Variants in PIK3R4 observed in about 807,000 individuals in gnomAD.
The protein encoded by PIK3R4 is phosphoinositide-3-kinase regulatory subunit 4, also known as phosphoinositide 3-kinase regulatory subunit 4.
PIK3R4 carries 46 observed loss-of-function variants against 136.5 expected under a neutral mutation model. The observed-to-expected ratio is 0.34, with a 90% CI of 0.27 to 0.43. The LOEUF (loss-of-function observed/expected upper bound fraction) is 0.43, where lower values mean the gene tolerates loss of function less well. PIK3R4 is among the 20% of genes least tolerant of loss of function. The pLI, the probability that PIK3R4 is intolerant of heterozygous loss-of-function variation, is 1.00. For missense variants in PIK3R4, 1,331 were observed against 1,649.5 expected, an observed-to-expected ratio of 0.81 and a Z score of 3.35; for synonymous variants, 557 against 566.7, an observed-to-expected ratio of 0.98 and a Z score of 0.24.
At chr3:130,703,973 C>CA (rs1229878805) in intron 12 of PIK3R4, 85 bp from the exon 13 acceptor site, 10 of 874,286 alleles carry the variant, frequency 1.1e-5, no homozygotes, top group Non-Finnish European at 1.8e-5. Flanking sequence ...AACCAACAAC[C>CA]AGCTTGAAAA....
Position 130,708,357 on chromosome 3 carries a change from C to G in PIK3R4, c.2467G>C (p.Ala823Pro). 1 of 1,613,828 alleles carries G rather than the reference C, an allele frequency of 6.2e-7. No individual in the cohort carries two copies. The highest frequency in any genetic ancestry group is 8.5e-7 in the Non-Finnish European group (1 of 1,179,772). The change falls in exon 10 of 20, where the codon GCT (alanine) becomes CCT (proline). Residue 823 changes from alanine to proline, a missense_variant. Physicochemically the swap from Ala to Pro is conservative, Grantham distance 27. This residue lies in a region of PIK3R4 where 1,180 missense variants were observed against 1,407.0 expected (regional missense o/e 0.84). Transcript: ENST00000356763. ...ACTTGTCTCCCAGTTATGCCTAAAG[C>G]TGCCAAGTCAATTACACCTTTCTGA... ...SSQKGVIDLA[A>P]LGITGRQVDL...
chr3:130,706,947 C>A lies in PIK3R4; in HGVS notation c.2721+1G>T. ...GGACTACTGACTGGGTGACACAGTA[C>A]CTGTGAAGAAGTTGACAAAGGGACA... On this transcript the variant is annotated splice_donor_variant, in intron 11 of 19. Transcript: ENST00000356763. LOFTEE classifies it high-confidence loss of function. 6.2e-7 allele frequency: 1 copy of A among 1,604,970 alleles called. No homozygotes were observed. The highest frequency in any genetic ancestry group is 8.5e-7 in the Non-Finnish European group (1 of 1,175,910).
chr3:130,746,261 C>A (rs757090231), intron 1 of PIK3R4, 57 bp downstream of exon 1: 2 of 152,190 alleles, frequency 1.3e-5, no homozygotes, highest in East Asian at 3.9e-4. Flanking sequence ...TCAGGTTTTG[C>A]AGGAAATAAA....
chr3:130,679,068 C>A lies in PIK3R4; in HGVS notation c.*247G>T. ...CATTTTCATATTTTACATTTCTCAC[C>A]TCTATAACATATACAATAAAAATCC... On this transcript the variant is annotated 3_prime_UTR_variant, in exon 20 of 20. Coordinates refer to ENST00000356763, the MANE Select transcript of PIK3R4 (RefSeq NM_014602.3). The A allele has an allele frequency of 3.9e-6, 1 of 254,352 alleles. No individual in the cohort carries two copies. Among genetic ancestry groups the A allele is most frequent in the Non-Finnish European group, 7.4e-6 (1 of 134,942 alleles). The allele number at this position is 254,352 out of a possible 1,614,324, so 15.8% of individuals were successfully genotyped here. A position where few individuals can be genotyped will look rare whatever the true frequency, so the allele number is the denominator to read the frequency against.
chr3:130,710,042 A>G (rs550548867), intron 9 of PIK3R4, among the ~76,000 whole-genome samples: 2 of 152,298 alleles, frequency 1.3e-5, no homozygotes, highest in African/African-American at 4.8e-5. Context: ...ATAAAAAACA[A>G]AAAATGTTAG....
At chr3:130,722,688 C>G (rs1021543099) in intron 7 of PIK3R4, among the ~76,000 whole-genome samples, 2 of 152,032 alleles carry the variant, frequency 1.3e-5, no homozygotes, top group African/African-American at 4.8e-5. Flanking sequence ...TTCAACTTGA[C>G]TGCTAGTCAA....
chr3:130,703,969 C>A lies in PIK3R4; in HGVS notation c.2933-81G>T, dbSNP rs748406685. ...CATCATCCCCTGTTATAATAACCAACAACCAGCTTGAAAACAATCATAAGA... is the reference window on the plus strand; with the variant it reads ...CATCATCCCCTGTTATAATAACCAAAAACCAGCTTGAAAACAATCATAAGA... On this transcript the variant is annotated intron_variant, in intron 12 of 19. Coordinates refer to ENST00000356763, the MANE Select transcript of PIK3R4 (RefSeq NM_014602.3). The A allele has an allele frequency of 8.9e-6, 8 of 896,134 alleles. No homozygotes were observed. The African/African-American group carries it at 1.2e-4, about 13-fold the overall frequency. 55.5% of individuals were successfully genotyped at this position (896,134 alleles called of 1,614,324 possible). A position where few individuals can be genotyped will look rare whatever the true frequency, so the allele number is the denominator to read the frequency against.
chr3:130,706,968 G>T lies in PIK3R4; in HGVS notation c.2701C>A (p.Pro901Thr). The change falls in exon 11 of 20, where the codon CCT becomes ACT. Residue 901 changes from proline (P) to threonine (T), a missense_variant. Physicochemically the swap from Pro to Thr is conservative, Grantham distance 38 (BLOSUM62 -1). This residue lies in a region of PIK3R4 where 1,180 missense variants were observed against 1,407.0 expected (regional missense o/e 0.84). Transcript: ENST00000356763. ...RSESSAGICV[P>T]LSTSSQVPEV... ...AGTACCTGTGAAGAAGTTGACAAAG[G>T]GACACAAATGCCAGCAGAGGACTCG... The T allele has an allele frequency of 6.2e-7, 1 of 1,609,956 alleles. No individual in the cohort carries two copies. The highest frequency in any genetic ancestry group is 8.5e-7 in the Non-Finnish European group (1 of 1,178,314).
At chr3:130,680,937 G>T (rs369876540) in intron 18 of PIK3R4, 40 bp downstream of exon 18, 5 of 1,026,876 alleles carry the variant, frequency 4.9e-6, no homozygotes, top group African/African-American at 4.8e-5. Context: ...ATAACAGCTT[G>T]TAAAAGTATC....
intron 16 of PIK3R4, among the ~76,000 whole-genome samples, chr3:130,682,328 A>C (rs2066464240): frequency 1.3e-5 from 2 of 152,188 alleles, no homozygotes; most frequent in African/African-American, 4.8e-5. Context: ...AAGATGAAAG[A>C]AGGAGCCAAG....
rs2066451589 is a variant in PIK3R4 at position 130,680,554 on chromosome 3, G to A, written c.3906+59C>T. 4.6e-6 allele frequency: 4 copies of A among 862,264 alleles called. No individual in the cohort carries two copies. In the East Asian group the frequency reaches 7.5e-5, roughly 16 times the overall value. The allele number at this position is 862,264 out of a possible 1,614,324, so 53.4% of individuals were successfully genotyped here. A position where few individuals can be genotyped will look rare whatever the true frequency, so the allele number is the denominator to read the frequency against. ...CAAGCCATTTATTTTAATCAATTCT[G>A]TTTACAAAAGCCATGTTTGTGCTTA... On this transcript the variant is annotated intron_variant, in intron 19 of 19. Coordinates refer to ENST00000356763, the MANE Select transcript of PIK3R4 (RefSeq NM_014602.3).
At chr3:130,696,078 G>A (rs2066544879) in intron 13 of PIK3R4, among the ~76,000 whole-genome samples, 2 of 152,076 alleles carry the variant, frequency 1.3e-5, no homozygotes, top group East Asian at 1.9e-4. Context: ...ATTGTTCATG[G>A]TATTCCTTTC....
At chr3:130,690,431 G>T in intron 14 of PIK3R4, 59 bp downstream of exon 14, 1 of 1,174,488 alleles carries the variant, frequency 8.5e-7, no homozygotes, top group Non-Finnish European at 1.2e-6. Flanking sequence ...GTAGAAAGGA[G>T]ACTTAAGGTA....
chr3:130,686,697 A>G (rs553874784), intron 14 of PIK3R4, among the ~76,000 whole-genome samples: 2 of 152,328 alleles, frequency 1.3e-5, no homozygotes, highest in South Asian at 2.1e-4. Flanking sequence ...TAACCTTGCT[A>G]TAATACTAGT....
intron 13 of PIK3R4, among the ~76,000 whole-genome samples, chr3:130,691,056 A>C (rs2066515591): frequency 1.3e-5 from 2 of 151,918 alleles, no homozygotes; most frequent in African/African-American, 4.8e-5. Context: ...GGCGTGCATC[A>C]CCATGCCTGG....
chr3:130,693,118 T>G (rs770988181), intron 13 of PIK3R4, among the ~76,000 whole-genome samples: 2 of 152,218 alleles, frequency 1.3e-5, no homozygotes, highest in Non-Finnish European at 2.9e-5. Flanking sequence ...TACTTTCACT[T>G]AGCATACTGT....
At chr3:130,736,569 G>A (rs1216032520) in intron 2 of PIK3R4, among the ~76,000 whole-genome samples, 1 of 152,008 alleles carries the variant, frequency 6.6e-6, no homozygotes, top group East Asian at 1.9e-4. Flanking sequence ...GGATGACAGA[G>A]TGAGACTCCA....
chr3:130,715,121 CTT>C (rs1170237161), intron 9 of PIK3R4, among the ~76,000 whole-genome samples: 9 of 119,886 alleles, frequency 7.5e-5, no homozygotes, highest in Non-Finnish European at 8.6e-5. Flanking sequence ...TTTTTCCCGA[CTT>C]TTTTTTTTTT....
chr3:130,742,533 T>C (rs558532912), intron 2 of PIK3R4, among the ~76,000 whole-genome samples: 1 of 152,360 alleles, frequency 6.6e-6, no homozygotes, highest in South Asian at 2.1e-4. Flanking sequence ...AACCTTGTTA[T>C]ACTGTATTTA....
Sources: allele counts gnomAD v4.1 joint callset (sites outside exome capture counted in the v4.1 genomes callset), GRCh38; gene constraint gnomAD v4.1.1; regional missense constraint gnomAD v4.1.1; transcripts MANE v1.5; gene names NCBI Gene and HGNC (gene_info 2026-07-23, HGNC 2026-07-21).